NEBL: variants seen among roughly 807,000 people sequenced by gnomAD.
NEBL encodes the protein nebulette.
NEBL carries 122 observed loss-of-function variants against 140.2 expected under a neutral mutation model. The ratio of observed to expected loss-of-function variants is 0.87; its 90% CI spans 0.75 to 1.01. The LOEUF is 1.01. Among genes scored for constraint, NEBL ranks in the 50% least tolerant of loss-of-function variants. NEBL has a pLI of 0.00. For synonymous variants in NEBL, 436 were observed against 398.9 expected (o/e 1.09, Z -1.11); for missense variants, 1,365 against 1,231.3 (o/e 1.11, Z -1.62).
At chr10:20,994,856 G>A (rs992329919) in intron 3 of NEBL, among the ~76,000 whole-genome samples, 1 of 151,938 alleles carries the variant, frequency 6.6e-6, no homozygotes, top group Non-Finnish European at 1.5e-5. Context: ...TTGTCTTCAT[G>A]TTGAGTGGGC....
chr10:21,150,147 G>A (rs1840081210), intron 2 of NEBL, among the ~76,000 whole-genome samples: 1 of 152,000 alleles, frequency 6.6e-6, no homozygotes, highest in South Asian at 2.1e-4. Context: ...AAATAACGAA[G>A]GCCTCACTTT....
chr10:20,900,718 G>A (rs529065519), upstream of NEBL, among the ~76,000 whole-genome samples: 76 of 151,160 alleles, frequency 5.0e-4, 2 homozygotes, highest in South Asian at 4.2e-4. Flanking sequence ...ATGGGATTAC[G>A]CCTGTAATCC....
At chr10:20,995,552 C>T (rs1837634724) in intron 3 of NEBL, among the ~76,000 whole-genome samples, 1 of 152,154 alleles carries the variant, frequency 6.6e-6, no homozygotes, top group Admixed American at 6.5e-5. Context: ...CAATGAGAAG[C>T]TCTATGGTAA....
intron 3 of NEBL, among the ~76,000 whole-genome samples, chr10:21,006,216 T>C (rs1838133559): frequency 6.6e-6 from 1 of 152,232 alleles, no homozygotes; most frequent in Non-Finnish European, 1.5e-5. Context: ...TCCAGTTTTG[T>C]GCTACTACAA....
At chr10:21,238,514 G>T (rs1339401253) in intron 3 of NEBL, among the ~76,000 whole-genome samples, 1 of 150,938 alleles carries the variant, frequency 6.6e-6, no homozygotes, top group African/African-American at 2.4e-5. Context: ...AGCCTGACCA[G>T]CATGGTGAAA....
intron 4 of NEBL, among the ~76,000 whole-genome samples, chr10:20,942,627 G>A (rs988067179): frequency 4.3e-4 from 66 of 152,256 alleles, no homozygotes; most frequent in African/African-American, 1.5e-3. Flanking sequence ...CACAGCAAAA[G>A]AAACTACCAT....
intron 4 of NEBL, among the ~76,000 whole-genome samples, chr10:20,916,578 T>C (rs897348327): frequency 1.3e-5 from 2 of 152,094 alleles, no homozygotes; most frequent in Non-Finnish European, 2.9e-5. Flanking sequence ...TGGCTAATTT[T>C]TTTGTAATTT....
chr10:21,193,010 G>A lies in NEBL; in HGVS notation n.349-20533C>T, dbSNP rs566608748. ...GGTGGAAAATCTCCAGGACTGACTC[G>A]ATGTTGAATGTTCAGCGATAAGAAG... On this transcript the variant is annotated intron_variant and non_coding_transcript_variant, in intron 3 of 8. Transcript: ENST00000675702. Among the ~76,000 whole-genome samples, 9 of 152,236 alleles carry A rather than the reference G, an allele frequency of 5.9e-5. No individual in the cohort carries two copies. In the East Asian group the frequency reaches 1.7e-3, roughly 29 times the overall value.
intron 1 of NEBL, among the ~76,000 whole-genome samples, chr10:21,251,996 C>T (rs1842594588): frequency 6.6e-6 from 1 of 152,184 alleles, no homozygotes; most frequent in Non-Finnish European, 1.5e-5. Flanking sequence ...CCCAGGATGC[C>T]AGTCCAAGGA....
intron 26 of NEBL, among the ~76,000 whole-genome samples, chr10:20,795,097 A>C (rs1588615670): frequency 6.6e-6 from 1 of 151,036 alleles, no homozygotes; most frequent in Non-Finnish European, 1.5e-5. Flanking sequence ...GATTAATTTC[A>C]AAATAACCAC....
At chr10:20,979,364 T>C (rs1478875830) in intron 3 of NEBL, among the ~76,000 whole-genome samples, 1 of 151,674 alleles carries the variant, frequency 6.6e-6, no homozygotes, top group Non-Finnish European at 1.5e-5. Flanking sequence ...TACACCAAAA[T>C]GCCAAATGGT....
At chr10:21,218,836 T>C (rs1055184600) in intron 3 of NEBL, among the ~76,000 whole-genome samples, 1 of 152,204 alleles carries the variant, frequency 6.6e-6, no homozygotes, top group African/African-American at 2.4e-5. Context: ...GTAGGAACTA[T>C]ATGGAGAAAG....
chr10:20,835,417 T>G, intron 14 of NEBL, 96 bp downstream of exon 14: 1 of 933,320 alleles, frequency 1.1e-6, no homozygotes, highest in Non-Finnish European at 1.8e-6. Flanking sequence ...CCAGCTGCAA[T>G]GCTTTGAGAA....
chr10:20,891,345 CCT>C (rs1339635152), intron 2 of NEBL, among the ~76,000 whole-genome samples: 2 of 152,132 alleles, frequency 1.3e-5, no homozygotes, highest in East Asian at 3.9e-4. Flanking sequence ...TGCAAATCAC[CCT>C]CCTCAGCCAC....
intron 2 of NEBL, among the ~76,000 whole-genome samples, chr10:21,097,760 T>C (rs912058327): frequency 1.3e-5 from 2 of 152,178 alleles, no homozygotes; most frequent in African/African-American, 4.8e-5. Flanking sequence ...ACGACTTCAA[T>C]CACCACAACT....
chr10:21,248,894 T>A (rs1178288749), intron 2 of NEBL, among the ~76,000 whole-genome samples: 1 of 152,120 alleles, frequency 6.6e-6, no homozygotes, highest in Admixed American at 6.5e-5. Flanking sequence ...TGTCTCATTG[T>A]GGTTTTGATT....
At chr10:21,122,376 C>A (rs1271350242) in intron 2 of NEBL, among the ~76,000 whole-genome samples, 1 of 152,042 alleles carries the variant, frequency 6.6e-6, no homozygotes, top group Admixed American at 6.6e-5. Flanking sequence ...TATCTCGGTG[C>A]CACTAAGTCA....
chr10:20,896,588 G>T (rs1205715957), intron 2 of NEBL, among the ~76,000 whole-genome samples: 1 of 145,152 alleles, frequency 6.9e-6, no homozygotes, highest in African/African-American at 2.6e-5. Context: ...TTAAAAAAAT[G>T]ACTATTCATT....
chr10:20,855,697 A>C (rs996846288), intron 9 of NEBL, among the ~76,000 whole-genome samples: 1 of 152,152 alleles, frequency 6.6e-6, no homozygotes, highest in African/African-American at 2.4e-5. Context: ...CAACACTACC[A>C]GAGGTCCATT....
Sources: allele counts gnomAD v4.1 joint callset (sites outside exome capture counted in the v4.1 genomes callset), GRCh38; gene constraint gnomAD v4.1.1; transcripts MANE v1.5; gene names NCBI Gene and HGNC (gene_info 2026-07-23, HGNC 2026-07-21).